Variants in SYNE1 observed in about 807,000 individuals in gnomAD.
SYNE1 encodes spectrin repeat containing nuclear envelope protein 1.
SYNE1 carries 616 observed loss-of-function variants against 1,111.0 expected under a neutral mutation model. That is an observed-to-expected ratio of 0.55 (90% CI 0.52 to 0.59). SYNE1 has a LOEUF of 0.59. Among genes scored for constraint, SYNE1 ranks in the 20% least tolerant of loss-of-function variants. The probability of loss-of-function intolerance (pLI) is 0.00; values close to 1 mark genes in which losing one functional copy is unlikely to be tolerated. For missense variants in SYNE1, 10,006 were observed against 10,417.0 expected, an observed-to-expected ratio of 0.96 and a Z score of 1.72; for synonymous variants, 3,855 against 3,825.8, an observed-to-expected ratio of 1.01 and a Z score of -0.28.
chr6:152,436,261 T>C (rs1226804430), intron 32 of SYNE1, among the ~76,000 whole-genome samples, 160 bp from the exon 33 acceptor site: 16 of 152,196 alleles, frequency 1.1e-4, no homozygotes, highest in Admixed American at 1.0e-3. Flanking sequence ...TCTGACTTAT[T>C]TCCATATGGC....
chr6:152,442,147 C>G lies in SYNE1; in HGVS notation c.3936G>C (p.Glu1312Asp), dbSNP rs200763530. 42 of 1,613,858 alleles carry G rather than the reference C, an allele frequency of 2.6e-5. No individual in the cohort carries two copies. The East Asian group carries it at 8.9e-4, about 34-fold the overall frequency. Residue 1312 changes from glutamate (E) to aspartate (D), a missense_variant, in exon 31 of 146, where the codon GAG (glutamate) becomes GAC (aspartate). Coordinates refer to ENST00000367255, the MANE Select transcript of SYNE1 (RefSeq NM_182961.4). Reference protein sequence around the residue: ...GEGGLPDRGHEELRKLESTLD... With the variant: ...GEGGLPDRGHDELRKLESTLD... Reference sequence around the variant, plus strand: ...GTGTGCTCTCCAGCTTCCGCAGCTCCTCGTGGCCTCGGTCAGGCAGCCCCC... The same window carrying G: ...GTGTGCTCTCCAGCTTCCGCAGCTCGTCGTGGCCTCGGTCAGGCAGCCCCC...
intron 3 of SYNE1, among the ~76,000 whole-genome samples, chr6:152,543,240 G>A (rs543798959): frequency 1.3e-5 from 2 of 151,836 alleles, no homozygotes; most frequent in South Asian, 2.1e-4. Context: ...AATTCTTTAC[G>A]TGTTTCCTTT....
chr6:152,201,913 G>A lies in SYNE1; in HGVS notation c.23056C>T (p.Leu7686=), dbSNP rs1587694843. The change falls in exon 127 of 146, where the codon CTG becomes TTG. Residue 7686 remains leucine, a synonymous_variant. Transcript: ENST00000367255. ...EKCEKGIADS[L]EKLRTFKKKL... Reference sequence around the variant, plus strand: ...TTTTTGAAAGTTCGTAGTTTCTCCAGGGAATCTGCTATTCCTTTCTCACAT... The same window carrying A: ...TTTTTGAAAGTTCGTAGTTTCTCCAAGGAATCTGCTATTCCTTTCTCACAT... 3 of 1,613,932 alleles carry A rather than the reference G, an allele frequency of 1.9e-6. No individual in the cohort carries two copies. The East Asian group carries it at 6.7e-5, about 36-fold the overall frequency.
chr6:152,297,150 T>TC (rs1269361649), intron 93 of SYNE1, among the ~76,000 whole-genome samples: 1 of 151,990 alleles, frequency 6.6e-6, no homozygotes, highest in Non-Finnish European at 1.5e-5. Flanking sequence ...CAGTCTCATT[T>TC]CCCCCTCTCC....
At chr6:152,477,094 C>T (rs1564324274) in intron 14 of SYNE1, among the ~76,000 whole-genome samples, 1 of 151,974 alleles carries the variant, frequency 6.6e-6, no homozygotes, top group Non-Finnish European at 1.5e-5. Flanking sequence ...GTCAAATGCA[C>T]ACATTTTTAG....
intron 108 of SYNE1, among the ~76,000 whole-genome samples, chr6:152,237,875 G>A (rs185884587): frequency 2.0e-5 from 3 of 152,284 alleles, no homozygotes; most frequent in Admixed American, 2.0e-4. Flanking sequence ...TTTACGCTGT[G>A]GGTCAGCAGT....
intron 137 of SYNE1, chr6:152,146,424 TAA>T (rs1238850033): frequency 6.6e-6 from 1 of 152,198 alleles, no homozygotes; most frequent in Non-Finnish European, 1.5e-5. Context: ...TTTCTTGTAC[TAA>T]GTCTTTGAAA....
At chr6:152,271,057 G>A (rs2093162851) in intron 98 of SYNE1, among the ~76,000 whole-genome samples, 1 of 152,152 alleles carries the variant, frequency 6.6e-6, no homozygotes, top group Admixed American at 6.5e-5. Flanking sequence ...TATTTCTGGA[G>A]CTGCTGCTCG....
At chr6:152,619,753 T>C (rs1307659667) in intron 3 of SYNE1, among the ~76,000 whole-genome samples, 4 of 151,984 alleles carry the variant, frequency 2.6e-5, no homozygotes, top group Admixed American at 6.6e-5. Context: ...GTGTCCAAGA[T>C]GGTACCGACA....
chr6:152,397,523 C>A (rs1385851169), intron 49 of SYNE1, among the ~76,000 whole-genome samples: 1 of 152,120 alleles, frequency 6.6e-6, no homozygotes, highest in African/African-American at 2.4e-5. Flanking sequence ...TTCCTTGTGG[C>A]GTTTGCTACA....
At chr6:152,256,809 T>C in intron 101 of SYNE1, 44 bp from the exon 102 acceptor site, 3 of 1,609,802 alleles carry the variant, frequency 1.9e-6, no homozygotes, top group Non-Finnish European at 2.5e-6. Context: ...ATATGCATTA[T>C]GTCCCAGTAT....
intron 87 of SYNE1, 43 bp from the exon 88 acceptor site, chr6:152,310,916 G>C: frequency 6.3e-7 from 1 of 1,582,734 alleles, no homozygotes; most frequent in Non-Finnish European, 8.6e-7. Context: ...CGGGCAGGTA[G>C]AGGGATATAG....
At chr6:152,352,679 CAGG>C (rs1296107874) in intron 69 of SYNE1, among the ~76,000 whole-genome samples, 4 of 152,182 alleles carry the variant, frequency 2.6e-5, no homozygotes, top group African/African-American at 9.7e-5. Context: ...GCTGGGATTA[CAGG>C]TGTGAGCCAC....
chr6:152,136,738 G>C lies in SYNE1; in HGVS notation c.25539C>G (p.Asp8513Glu), dbSNP rs2057173369. 1.9e-6 allele frequency: 3 copies of C among 1,614,130 alleles called. No homozygotes were observed. Among genetic ancestry groups the C allele is most frequent in the Non-Finnish European group, 2.5e-6 (3 of 1,180,056 alleles). Residue 8513 changes from aspartate (D) to glutamate (E), a missense_variant, in exon 141 of 146, where the codon GAC (aspartate) becomes GAG (glutamate). By Grantham distance (45) the Asp-to-Glu change is conservative. Coordinates refer to ENST00000367255, the MANE Select transcript of SYNE1 (RefSeq NM_182961.4). ...NLCSPEFTQA[D>E]SKESRDLQDR... The stretch of plus-strand genomic sequence containing the variant: ...CCTGCAGGTCCCGGCTCTCCTTGCT[G>C]TCAGCCTGGGTGAACTCAGGGCTGC...
rs1257322784 is a variant in SYNE1, at chr6:152,385,916, G to T, written c.8488-78C>A. 11 of 1,396,412 alleles carry T rather than the reference G, an allele frequency of 7.9e-6. No homozygotes were observed. In the African/African-American group the frequency reaches 1.6e-4, roughly 20 times the overall value. 86.5% of individuals were successfully genotyped at this position (1,396,412 alleles called of 1,614,324 possible). ...CTCAGGTAAGACAACAGGCCTGATA[G>T]AGGTCTCTTAACACATCTCAGAAAA... On this transcript the variant is annotated intron_variant, in intron 54 of 145. Coordinates refer to ENST00000367255, the MANE Select transcript of SYNE1 (RefSeq NM_182961.4).
intron 3 of SYNE1, among the ~76,000 whole-genome samples, chr6:152,547,178 G>T (rs1020644686): frequency 2.0e-5 from 3 of 152,308 alleles, no homozygotes; most frequent in African/African-American, 7.2e-5. Context: ...AACTGTTGTT[G>T]CTCCACACCA....
intron 2 of SYNE1, among the ~76,000 whole-genome samples, chr6:152,630,939 T>C (rs2129008600): frequency 6.6e-6 from 1 of 152,336 alleles, no homozygotes; most frequent in South Asian, 2.1e-4. Flanking sequence ...AGAATTTCCC[T>C]GCATGTGCCC....
chr6:152,213,614 C>T lies in SYNE1; in HGVS notation c.22492G>A (p.Glu7498Lys), dbSNP rs762050668. The T allele has an allele frequency of 2.9e-5, 47 of 1,613,914 alleles. No homozygotes were observed. Among genetic ancestry groups the T allele is most frequent in the Non-Finnish European group, 3.5e-5 (41 of 1,179,954 alleles). ...CCAAATCTACTGATACAACTTACCT[C>T]GTGTGCTCTCTGCTGTTCCAAAAGG... is the stretch of plus-strand genomic sequence containing the variant. ...QHLLEQQRAHELFQAEMFSRQ... is the reference protein window; with the variant it reads ...QHLLEQQRAHKLFQAEMFSRQ... Residue 7498 changes from glutamate to lysine, a missense_variant and splice_region_variant, in exon 123 of 146, where the codon GAG (glutamate) becomes AAG (lysine). Glu to Lys is a moderately conservative substitution (Grantham distance 56). Coordinates refer to ENST00000367255, the MANE Select transcript of SYNE1 (RefSeq NM_182961.4).
At chr6:152,618,223 G>A (rs895745353) in intron 3 of SYNE1, among the ~76,000 whole-genome samples, 1 of 152,138 alleles carries the variant, frequency 6.6e-6, no homozygotes, top group Non-Finnish European at 1.5e-5. Flanking sequence ...GCCAAAATTG[G>A]ATAAAATGAA....
Sources: allele counts gnomAD v4.1 joint callset (sites outside exome capture counted in the v4.1 genomes callset), GRCh38; gene constraint gnomAD v4.1.1; transcripts MANE v1.5; gene names NCBI Gene and HGNC (gene_info 2026-07-23, HGNC 2026-07-21).